CTNNA2: variants seen among roughly 807,000 people sequenced by gnomAD.
CTNNA2 encodes catenin alpha-2.
A neutral mutation model predicts 101.0 loss-of-function variants in CTNNA2; 42 were observed. The ratio of observed to expected loss-of-function variants is 0.42; its 90% CI spans 0.32 to 0.54. CTNNA2 has a LOEUF of 0.54. CTNNA2 is among the 20% of genes least tolerant of loss of function. The pLI, the probability that CTNNA2 is intolerant of heterozygous loss-of-function variation, is 0.14. For missense variants in CTNNA2, 871 were observed against 1,223.1 expected, an observed-to-expected ratio of 0.71 and a Z score of 4.29; for synonymous variants, 450 against 456.4, an observed-to-expected ratio of 0.99 and a Z score of 0.18.
intron 4 of CTNNA2, among the ~76,000 whole-genome samples, chr2:79,483,281 C>G (rs1463831403): frequency 6.6e-6 from 1 of 152,174 alleles, no homozygotes; most frequent in African/African-American, 2.4e-5. Flanking sequence ...AGCGAGTGCC[C>G]TCGTCTATTG....
At chr2:80,007,131 A>G (rs958157166) in intron 7 of CTNNA2, among the ~76,000 whole-genome samples, 3 of 152,132 alleles carry the variant, frequency 2.0e-5, no homozygotes, top group Non-Finnish European at 2.9e-5. Flanking sequence ...CCACATCTCA[A>G]TTGAGCTTGT....
intron 9 of CTNNA2, among the ~76,000 whole-genome samples, chr2:80,471,930 A>G (rs1194743327): frequency 6.6e-6 from 1 of 152,162 alleles, no homozygotes; most frequent in Non-Finnish European, 1.5e-5. Context: ...GTTCAAGACC[A>G]GCCTGGCCAA....
intron 3 of CTNNA2, among the ~76,000 whole-genome samples, chr2:79,366,159 G>C (rs1677745861): frequency 1.3e-5 from 2 of 152,172 alleles, no homozygotes; most frequent in African/African-American, 2.4e-5. Flanking sequence ...GGCTAAGGAG[G>C]AGCTTCCCTT....
At chr2:80,483,368 T>TTTTATATA (rs1553533288) in intron 9 of CTNNA2, among the ~76,000 whole-genome samples, 12 of 146,090 alleles carry the variant, frequency 8.2e-5, no homozygotes, top group Admixed American at 4.8e-4. Flanking sequence ...TGTTGTTGTT[T>TTTTATATA]TATATATATA....
At chr2:79,869,789 T>G (rs933309742) in intron 4 of CTNNA2, 27 bp from the exon 5 acceptor site, 1 of 1,603,626 alleles carries the variant, frequency 6.2e-7, no homozygotes, top group Non-Finnish European at 8.5e-7. Flanking sequence ...TATCCACTAA[T>G]AAATATGTTG....
intron 2 of CTNNA2, among the ~76,000 whole-genome samples, chr2:79,240,855 G>A (rs967534319): frequency 8.5e-5 from 13 of 152,072 alleles, no homozygotes; most frequent in African/African-American, 2.7e-4. Flanking sequence ...ATGACACTGT[G>A]GGCCTTTACA....
At chr2:79,891,965 A>C (rs1684335879) in intron 6 of CTNNA2, among the ~76,000 whole-genome samples, 1 of 152,162 alleles carries the variant, frequency 6.6e-6, no homozygotes, top group Admixed American at 6.5e-5. Flanking sequence ...GCGAAAAATT[A>C]AATCTGTTTA....
intron 13 of CTNNA2, among the ~76,000 whole-genome samples, chr2:80,581,084 T>A (rs1695496061): frequency 6.6e-6 from 1 of 152,180 alleles, no homozygotes; most frequent in Non-Finnish European, 1.5e-5. Context: ...TCTGATACTA[T>A]ACAGATAATA....
intron 7 of CTNNA2, among the ~76,000 whole-genome samples, chr2:80,050,583 G>A (rs1451894534): frequency 6.6e-6 from 1 of 152,120 alleles, no homozygotes; most frequent in Non-Finnish European, 1.5e-5. Context: ...CCAGCAACCT[G>A]AGCAAGAGTA....
chr2:80,163,897 T>C (rs1035490880), intron 7 of CTNNA2, among the ~76,000 whole-genome samples: 3 of 152,016 alleles, frequency 2.0e-5, no homozygotes, highest in African/African-American at 7.2e-5. Flanking sequence ...CTCTGAATTC[T>C]ACTTAATCTG....
chr2:80,173,240 TG>T (rs1363205975), intron 7 of CTNNA2, among the ~76,000 whole-genome samples: 1 of 152,222 alleles, frequency 6.6e-6, no homozygotes, highest in Non-Finnish European at 1.5e-5. Context: ...TGCACAGCCA[TG>T]TGCCAGGCTC....
At chr2:79,259,681 G>GT (rs1674894914) in intron 2 of CTNNA2, among the ~76,000 whole-genome samples, 1 of 152,186 alleles carries the variant, frequency 6.6e-6, no homozygotes, top group Admixed American at 6.5e-5. Flanking sequence ...TGAGAAGGCT[G>GT]TGCAGGCTGC....
At chr2:80,560,054 CAAA>C (rs70940085) in intron 12 of CTNNA2, among the ~76,000 whole-genome samples, 21,378 of 54,590 alleles carry the variant, frequency 0.39, 1,709 homozygotes, top group Middle Eastern at 0.49. Flanking sequence ...AACAATAGAC[CAAA>C]AAAAAAAAAA....
chr2:79,862,746 G>A (rs1034517040), intron 4 of CTNNA2, among the ~76,000 whole-genome samples: 1 of 152,178 alleles, frequency 6.6e-6, no homozygotes, highest in Non-Finnish European at 1.5e-5. Flanking sequence ...ACAGGCTACT[G>A]GGGAGACATT....
chr2:80,454,154 C>G (rs1266920374), intron 9 of CTNNA2, among the ~76,000 whole-genome samples: 1 of 152,170 alleles, frequency 6.6e-6, no homozygotes, highest in Non-Finnish European at 1.5e-5. Flanking sequence ...CTTATCTGCT[C>G]TAATTATTCT....
At chr2:79,452,855 T>C (rs1670773001) in intron 4 of CTNNA2, among the ~76,000 whole-genome samples, 1 of 152,224 alleles carries the variant, frequency 6.6e-6, no homozygotes, top group South Asian at 2.1e-4. Flanking sequence ...CTTTTATTGA[T>C]TCTATTTTCA....
At chr2:80,244,884 C>A (rs764631825) in intron 7 of CTNNA2, among the ~76,000 whole-genome samples, 3 of 152,068 alleles carry the variant, frequency 2.0e-5, no homozygotes, top group Non-Finnish European at 1.5e-5. Flanking sequence ...CAGAGAAATA[C>A]GAAAATCCAC....
chr2:79,803,509 C>T lies in CTNNA2; in HGVS notation c.299-54504C>T, dbSNP rs1300846169. On this transcript the variant is annotated intron_variant, in intron 3 of 18. Coordinates refer to ENST00000402739, the MANE Select transcript of CTNNA2 (RefSeq NM_001282597.3). ...GGGCTAGTTAACTGCAGCAGGGACA[C>T]GCTCTTAAGGCACAGATCGCTTATG... is the stretch of plus-strand genomic sequence containing the variant. 4.6e-5 allele frequency among the ~76,000 whole-genome samples: 7 copies of T among 152,390 alleles called. No homozygotes were observed. The East Asian group carries it at 5.8e-4, about 13-fold the overall frequency.
At chr2:80,321,698 G>A (rs1441565138) in intron 7 of CTNNA2, among the ~76,000 whole-genome samples, 1 of 152,170 alleles carries the variant, frequency 6.6e-6, no homozygotes, top group East Asian at 1.9e-4. Context: ...CCAGTTAGTT[G>A]TGGCAAGGTT....
Sources: allele counts gnomAD v4.1 joint callset (sites outside exome capture counted in the v4.1 genomes callset), GRCh38; gene constraint gnomAD v4.1.1; transcripts MANE v1.5; gene names NCBI Gene and HGNC (gene_info 2026-07-23, HGNC 2026-07-21).